The following ZNF791 variants were observed in gnomAD, a reference collection of about 807,000 sequenced individuals.
The protein encoded by ZNF791 is zinc finger protein 791.
Under a neutral mutation model 11.5 loss-of-function variants are expected in ZNF791, and 4 were observed. The ratio of observed to expected loss-of-function variants is 0.35; its 90% CI spans 0.17 to 0.80. The LOEUF is 0.80. ZNF791 is among the 30% of genes least tolerant of loss of function. ZNF791 has a pLI of 0.53. For missense variants in ZNF791, 559 were observed against 699.4 expected (o/e 0.80, Z 2.26); for synonymous variants, 212 against 228.1 (o/e 0.93, Z 0.64).
rs780174947 is a variant in ZNF791 at position 12,629,241 on chromosome 19, T to C, written c.1712T>C (p.Met571Thr). The C allele has an allele frequency of 6.7e-7, 1 of 1,488,642 alleles. No individual in the cohort carries two copies. Among genetic ancestry groups the C allele is most frequent in the Non-Finnish European group, 8.9e-7 (1 of 1,118,808 alleles). 92.2% of individuals were successfully genotyped at this position (1,488,642 alleles called of 1,614,324 possible). A position where few individuals can be genotyped will look rare whatever the true frequency, so the allele number is the denominator to read the frequency against. The change falls in exon 4 of 4, where the codon ATG becomes ACG. Residue 571 changes from methionine (M) to threonine (T), a missense_variant. Transcript: ENST00000343325. ...GTGTCCACATCCTTAAAAAAACATA[T>C]GAGAATGCACAATCGATAGAAACTC... The part of the protein sequence containing the change: ...FSVSTSLKKH[M>T]RMHNR
rs754551627 is a variant in ZNF791 at position 12,612,466 on chromosome 19, G to A, written c.3+1384G>A. The A allele has an allele frequency of 4.8e-5, 7 of 145,052 alleles. No individual in the cohort carries two copies. In the East Asian group the frequency reaches 5.9e-4, roughly 12 times the overall value. 9.0% of individuals were successfully genotyped at this position (145,052 alleles called of 1,614,324 possible). A position where few individuals can be genotyped will look rare whatever the true frequency, so the allele number is the denominator to read the frequency against. ...ATTTATTTACTTTTTTTTTTGAGAC[G>A]GAGTCTAGCTTTCTCGCCAGGCTGG... is the stretch of plus-strand genomic sequence containing the variant. On this transcript the variant is annotated intron_variant, in intron 1 of 3. Coordinates refer to ENST00000343325, the MANE Select transcript of ZNF791 (RefSeq NM_153358.3).
intron 1 of ZNF791, among the ~76,000 whole-genome samples, chr19:12,621,784 C>A (rs1413277245): frequency 5.3e-5 from 6 of 112,926 alleles, no homozygotes; most frequent in South Asian, 2.5e-4. Context: ...GTCAGCCCCC[C>A]CGCCCGGCCA....
chr19:12,621,912 A>G (rs1371135582), intron 1 of ZNF791, among the ~76,000 whole-genome samples: 15 of 109,758 alleles, frequency 1.4e-4, no homozygotes, highest in Non-Finnish European at 2.4e-4. Flanking sequence ...GTGGAATAGA[A>G]AGGCGGGAAA....
intron 2 of ZNF791, 44 bp downstream of exon 2, chr19:12,623,870 T>G (rs2861401): frequency 0.02 from 14,237 of 709,998 alleles, 769 homozygotes; most frequent in African/African-American, 0.13. Flanking sequence ...TTTTTTTTTT[T>G]GGGGGGGGAC....
chr19:12,619,087 A>G (rs1057012484), intron 1 of ZNF791, among the ~76,000 whole-genome samples: 1 of 151,848 alleles, frequency 6.6e-6, no homozygotes, highest in African/African-American at 2.4e-5. Flanking sequence ...CTCGTGATCC[A>G]CCCACCTAGG....
chr19:12,622,430 A>C (rs2023368542), intron 1 of ZNF791, among the ~76,000 whole-genome samples: 2 of 146,824 alleles, frequency 1.4e-5, no homozygotes, highest in African/African-American at 2.5e-5. Context: ...AAAAAAAAAA[A>C]AACCTCCACC....
rs757659193 is a variant in ZNF791 at position 12,627,821 on chromosome 19, A to C, written c.292A>C (p.Lys98Gln). The C allele has an allele frequency of 3.1e-6, 5 of 1,614,136 alleles. No homozygotes were observed. The South Asian group carries it at 5.5e-5, about 18-fold the overall frequency. ...TGTGACGAAGAAGACTGCCGGAGTA[A>C]AACCATATGAGTGTACTATCTGTGG... ...LSVTKKTAGV[K>Q]PYECTICGKA... Residue 98 changes from lysine to glutamine, a missense_variant, in exon 4 of 4, where the codon AAA (lysine) becomes CAA (glutamine). Transcript: ENST00000343325.
chr19:12,615,467 C>G (rs1216877362), intron 1 of ZNF791, among the ~76,000 whole-genome samples: 4 of 152,036 alleles, frequency 2.6e-5, no homozygotes. Flanking sequence ...TTTCTCTTAT[C>G]GTTGAACAAT....
chr19:12,621,247 A>T (rs1020691138), intron 1 of ZNF791, among the ~76,000 whole-genome samples: 2 of 152,114 alleles, frequency 1.3e-5, no homozygotes, highest in Non-Finnish European at 2.9e-5. Context: ...CTGACATTTT[A>T]TCTCAATGTG....
In ZNF791 at chr19:12,629,511, A is replaced by G; in HGVS notation, c.*251A>G. The G allele has an allele frequency of 3.2e-6, 1 of 317,380 alleles. No individual in the cohort carries two copies. The allele number at this position is 317,380 out of a possible 1,614,324, so 19.7% of individuals were successfully genotyped here. ...CTATCAACCGCAATTTAGTAGCAGT[A>G]GTAACACCATAGTGCAGCACATTAT... On this transcript the variant is annotated 3_prime_UTR_variant, in exon 4 of 4. Coordinates refer to ENST00000343325, the MANE Select transcript of ZNF791 (RefSeq NM_153358.3).
intron 1 of ZNF791, among the ~76,000 whole-genome samples, chr19:12,621,718 G>T (rs557677765): frequency 2.9e-5 from 3 of 102,150 alleles, no homozygotes; most frequent in East Asian, 4.0e-4. Flanking sequence ...CCACCTCGGT[G>T]GGGGGTCAGC....
intron 1 of ZNF791, among the ~76,000 whole-genome samples, chr19:12,617,660 GTGT>G (rs1299344433): frequency 6.6e-6 from 1 of 151,092 alleles, no homozygotes; most frequent in African/African-American, 2.4e-5. Context: ...AGAAGAATGT[GTGT>G]TGTTCTGTTG....
At chr19:12,612,410 C>CTTCCTTTA (rs1555702280) in intron 1 of ZNF791, 1 of 143,960 alleles carries the variant, frequency 6.9e-6, no homozygotes, top group Non-Finnish European at 1.5e-5. Context: ...TGCTTCCTTC[C>CTTCCTTTA]TTTATTTATT....
chr19:12,619,843 C>CT (rs989316495), intron 1 of ZNF791, among the ~76,000 whole-genome samples: 9 of 90,932 alleles, frequency 9.9e-5, no homozygotes, highest in East Asian at 2.0e-4. Flanking sequence ...GGAGATGAAC[C>CT]TTTTTTTTCT....
intron 1 of ZNF791, among the ~76,000 whole-genome samples, chr19:12,611,516 C>G (rs2023156643): frequency 1.3e-5 from 2 of 152,322 alleles, no homozygotes; most frequent in Non-Finnish European, 2.9e-5. Flanking sequence ...GATCCCTCCC[C>G]GAATTCCCAA....
intron 3 of ZNF791, among the ~76,000 whole-genome samples, chr19:12,626,856 C>T (rs113200462): frequency 0.046 from 7,035 of 152,058 alleles, 515 homozygotes; most frequent in African/African-American, 0.16. Flanking sequence ...CTGCCCGTCT[C>T]GGCCTCCCAA....
chr19:12,622,420 A>AAT (rs1395589401), intron 1 of ZNF791, among the ~76,000 whole-genome samples: 1 of 146,146 alleles, frequency 6.8e-6, no homozygotes, highest in African/African-American at 2.5e-5. Context: ...ACAAAAAAAA[A>AAT]AAAAAAAAAA....
intron 1 of ZNF791, among the ~76,000 whole-genome samples, chr19:12,615,042 C>T (rs2023225672): frequency 2.0e-5 from 1 of 49,688 alleles, no homozygotes; most frequent in African/African-American, 8.4e-5. Flanking sequence ...TTTTTTGAGA[C>T]AGGGTCCCAC....
chr19:12,613,593 A>G (rs2023195448), intron 1 of ZNF791, among the ~76,000 whole-genome samples: 1 of 152,076 alleles, frequency 6.6e-6, no homozygotes, highest in Non-Finnish European at 1.5e-5. Flanking sequence ...AACAAAAAAA[A>G]AATTTAATTA....
Sources: allele counts gnomAD v4.1 joint callset (sites outside exome capture counted in the v4.1 genomes callset), GRCh38; gene constraint gnomAD v4.1.1; transcripts MANE v1.5; gene names NCBI Gene and HGNC (gene_info 2026-07-23, HGNC 2026-07-21).